MED11: variants seen among roughly 807,000 people sequenced by gnomAD.
MED11 encodes the protein mediator of RNA polymerase II transcription subunit 11.
In MED11, 19 loss-of-function variants were observed where a neutral mutation model predicts 13.9. The ratio of observed to expected loss-of-function variants is 1.36; its 90% CI spans 0.95 to 2.00. The LOEUF (loss-of-function observed/expected upper bound fraction) is 2.00. MED11 is among the 30% of genes most tolerant of loss of function. The pLI is 0.00. For synonymous variants in MED11, 67 were observed against 62.1 expected, an observed-to-expected ratio of 1.08 and a Z score of -0.37; for missense variants, 134 against 150.2, an observed-to-expected ratio of 0.89 and a Z score of 0.56.
intron 2 of MED11, among the ~76,000 whole-genome samples, chr17:4,732,772 T>C (rs961696282): frequency 1.3e-5 from 2 of 152,118 alleles, no homozygotes; most frequent in Non-Finnish European, 1.5e-5. Context: ...GGGACAGGAT[T>C]GAGAAGGTTC....
In MED11 at chr17:4,731,485, T is replaced by C. The variant is rs759083957; in HGVS notation, c.-5T>C. 6.2e-7 allele frequency: 1 copy of C among 1,612,328 alleles called. No homozygotes were observed. The highest frequency in any genetic ancestry group is 8.5e-7 in the Non-Finnish European group (1 of 1,179,482). ...AAACTCTTGGTGAGAATTCCCAGAG[T>C]GATAATGGCTACCTACAGCCTGGCG... On this transcript the variant is annotated 5_prime_UTR_variant, in exon 1 of 3. Transcript: ENST00000293777.
In MED11 at chr17:4,731,904, C is replaced by G; in HGVS notation, c.214C>G (p.Gln72Glu). The change falls in exon 2 of 3, where the codon CAG becomes GAG. Residue 72 changes from glutamine to glutamate, a missense_variant and splice_region_variant. Gln to Glu is a conservative substitution (Grantham distance 29). Coordinates refer to ENST00000293777, the MANE Select transcript of MED11 (RefSeq NM_001001683.4). ...GTCAGCTCAGATCCGCTACCTCACC[C>G]AGGTCGGTGTGTCTGGGGGGTTCTG... is the stretch of plus-strand genomic sequence containing the variant. Reference protein sequence around the residue: ...ELSAQIRYLTQVATGQPHEGS... With the variant: ...ELSAQIRYLTEVATGQPHEGS... 1.9e-6 allele frequency: 3 copies of G among 1,613,518 alleles called. No individual in the cohort carries two copies. Among genetic ancestry groups the G allele is most frequent in the Non-Finnish European group, 2.5e-6 (3 of 1,179,684 alleles).
chr17:4,731,704 G>C, intron 1 of MED11, 72 bp from the exon 2 acceptor site: 1 of 1,606,320 alleles, frequency 6.2e-7, no homozygotes, highest in Non-Finnish European at 8.5e-7. Context: ...GGGCGGGACT[G>C]AGAGGGGCTG....
Position 4,731,975 on chromosome 17 carries a change from C to T in MED11, c.216+69C>T, listed in dbSNP as rs73973612. The stretch of plus-strand genomic sequence containing the variant: ...GTCAAAGCCTCAGGCTTGGGTGATC[C>T]AGGGTGGAGCATTAACTGGGCAGGA... On this transcript the variant is annotated intron_variant, in intron 2 of 2. Coordinates refer to ENST00000293777, the MANE Select transcript of MED11 (RefSeq NM_001001683.4). 3.7e-3 allele frequency: 5,791 copies of T among 1,548,910 alleles called. 105 individuals are homozygous for T. The African/African-American group carries it at 0.051, about 14-fold the overall frequency.
At position 4,731,576 on chromosome 17, in the gene MED11, T is replaced by C. The variant is rs745830550; in HGVS notation, c.85+2T>C. On this transcript the variant is annotated splice_donor_variant, in intron 1 of 2. Coordinates refer to ENST00000293777, the MANE Select transcript of MED11 (RefSeq NM_001001683.4). LOFTEE classifies it high-confidence loss of function. ...TCGGCGCCATCCTTCAGAATGCAGG[T>C]TCGGGATGCGACAACCTGGACAGCG... 1 of 1,614,116 alleles carries C rather than the reference T, an allele frequency of 6.2e-7. No individual in the cohort carries two copies. Among genetic ancestry groups the C allele is most frequent in the Non-Finnish European group, 8.5e-7 (1 of 1,180,002 alleles).
At chr17:4,732,152 G>C in intron 2 of MED11, 1 of 478,566 alleles carries the variant, frequency 2.1e-6, no homozygotes, top group Non-Finnish European at 3.7e-6. Context: ...GGCCAGGCTC[G>C]GTGGCTCACT....
In MED11 at chr17:4,733,495, C is replaced by T. The variant is rs1042368968; in HGVS notation, c.*308C>T. 3.6e-6 allele frequency: 1 copy of T among 277,310 alleles called. No individual in the cohort carries two copies. Among genetic ancestry groups the T allele is most frequent in the African/African-American group, 2.2e-5 (1 of 45,746 alleles). 17.2% of individuals were successfully genotyped at this position (277,310 alleles called of 1,614,324 possible). A position where few individuals can be genotyped will look rare whatever the true frequency, so the allele number is the denominator to read the frequency against. On this transcript the variant is annotated 3_prime_UTR_variant, in exon 3 of 3. Coordinates refer to ENST00000293777, the MANE Select transcript of MED11 (RefSeq NM_001001683.4). ...CACTTCATGCTGCTGCCCCAGCCTTCCCGCAGACTTGGCCTAATGAAAATA... is the reference window on the plus strand; with the variant it reads ...CACTTCATGCTGCTGCCCCAGCCTTTCCGCAGACTTGGCCTAATGAAAATA...
Position 4,733,419 on chromosome 17 carries a change from A to G in MED11, c.*232A>G, listed in dbSNP as rs1337263598. On this transcript the variant is annotated 3_prime_UTR_variant, in exon 3 of 3. Coordinates refer to ENST00000293777, the MANE Select transcript of MED11 (RefSeq NM_001001683.4). ...TGCTCTGCACTCCAGAAACACCCTG[A>G]CAGGCTCAGAGAGGAGATGGAAACT... The G allele has an allele frequency of 2.1e-6, 1 of 483,526 alleles. No individual in the cohort carries two copies. The highest frequency in any genetic ancestry group is 2.0e-5 in the African/African-American group (1 of 51,150). 30.0% of individuals were successfully genotyped at this position (483,526 alleles called of 1,614,324 possible). A position where few individuals can be genotyped will look rare whatever the true frequency, so the allele number is the denominator to read the frequency against.
rs538218254 is a variant in MED11 at position 4,732,172 on chromosome 17, C to T, written c.216+266C>T. ...GGCTCGGTGGCTCACTCCTGTAATC[C>T]CAGCACTTTGGGAGGCTGAGGCGGG... On this transcript the variant is annotated intron_variant, in intron 2 of 2. Transcript: ENST00000293777. 1.4e-5 allele frequency: 6 copies of T among 433,464 alleles called. No individual in the cohort carries two copies. In the East Asian group the frequency reaches 2.1e-4, roughly 15 times the overall value. The allele number at this position is 433,464 out of a possible 1,614,324, so 26.9% of individuals were successfully genotyped here. A position where few individuals can be genotyped will look rare whatever the true frequency, so the allele number is the denominator to read the frequency against.
rs867681259 is a variant in MED11, at chr17:4,733,543, C to G, written c.*356C>G. On this transcript the variant is annotated 3_prime_UTR_variant, in exon 3 of 3. Transcript: ENST00000293777. ...ATACATACTTCTTCATTCGGAGAGA[C>G]AAAACAAGAACTAGAGTTTTAATGA... The G allele has an allele frequency of 1.0e-5, 2 of 196,820 alleles. No homozygotes were observed. The highest frequency in any genetic ancestry group is 2.1e-5 in the Non-Finnish European group (2 of 96,220). The allele number at this position is 196,820 out of a possible 1,614,324, so 12.2% of individuals were successfully genotyped here. A position where few individuals can be genotyped will look rare whatever the true frequency, so the allele number is the denominator to read the frequency against.
chr17:4,731,620 G>C (rs1172694523), intron 1 of MED11, 46 bp downstream of exon 1: 28 of 1,610,204 alleles, frequency 1.7e-5, no homozygotes, highest in Non-Finnish European at 2.4e-5. Flanking sequence ...AAGCGTGACC[G>C]GGCTGCACTG....
Position 4,733,210 on chromosome 17 carries a change from TGA to T in MED11, c.*27_*28del, listed in dbSNP as rs1217952845. On this transcript the variant is annotated 3_prime_UTR_variant, in exon 3 of 3. Coordinates refer to ENST00000293777, the MANE Select transcript of MED11 (RefSeq NM_001001683.4). ...TAGGCCAGGGAGATGGACCCAGAGC[TGA>T]GAGGGAGACCATCACCTGTGCCATG... The T allele has an allele frequency of 1.9e-6, 3 of 1,613,536 alleles. No homozygotes were observed. Among genetic ancestry groups the T allele is most frequent in the Non-Finnish European group, 2.5e-6 (3 of 1,179,782 alleles).
intron 1 of MED11, 93 bp from the exon 2 acceptor site, chr17:4,731,683 G>T: frequency 6.2e-7 from 1 of 1,606,570 alleles, no homozygotes; most frequent in South Asian, 1.1e-5. Context: ...CTACGTGCGT[G>T]CGCAGCGAAA....
chr17:4,731,547 G>A lies in MED11; in HGVS notation c.58G>A (p.Glu20Lys). The A allele has an allele frequency of 6.2e-7, 1 of 1,614,214 alleles. No individual in the cohort carries two copies. ...RLRALEDIER[E>K]IGAILQNAGT... ...ACGCGCTCTGGAAGACATTGAACGG[G>A]AAATCGGCGCCATCCTTCAGAATGC... Residue 20 changes from glutamate to lysine, a missense_variant, in exon 1 of 3, where the codon GAA becomes AAA. Physicochemically the swap from Glu to Lys is moderately conservative, Grantham distance 56 (BLOSUM62 1). Transcript: ENST00000293777.
At chr17:4,732,516 G>A (rs1916015970) in intron 2 of MED11, 1 of 158,090 alleles carries the variant, frequency 6.3e-6, no homozygotes, top group Non-Finnish European at 1.4e-5. Context: ...GGAGGCGGAG[G>A]TTGTTGTACT....
intron 2 of MED11, 76 bp from the exon 3 acceptor site, chr17:4,732,974 G>T: frequency 6.6e-7 from 1 of 1,524,818 alleles, no homozygotes; most frequent in Non-Finnish European, 8.9e-7. Context: ...ACTCAGGGAA[G>T]AAATGAGACG....
rs774988883 is a variant in MED11 at position 4,731,584 on chromosome 17, G to A, written c.85+10G>A. 4 of 1,614,128 alleles carry A rather than the reference G, an allele frequency of 2.5e-6. No individual in the cohort carries two copies. Among genetic ancestry groups the A allele is most frequent in the Non-Finnish European group, 3.4e-6 (4 of 1,179,980 alleles). On this transcript the variant is annotated intron_variant, in intron 1 of 2. Transcript: ENST00000293777. ...ATCCTTCAGAATGCAGGTTCGGGAT[G>A]CGACAACCTGGACAGCGGGGAGCGA...
rs892242861 is a variant in MED11, at chr17:4,731,804, A to G, written c.114A>G (p.Glu38=). 5 of 1,614,054 alleles carry G rather than the reference A, an allele frequency of 3.1e-6. No individual in the cohort carries two copies. In the African/African-American group the frequency reaches 6.7e-5, roughly 22 times the overall value. ...AGTVILELSK[E]KTNERLLDRQ... is the part of the protein sequence containing the mutation. ...CTGTGATCCTAGAATTGTCCAAGGA[A>G]AAAACTAACGAGCGGCTCCTAGACC... is the stretch of plus-strand genomic sequence containing the variant. Residue 38 remains glutamate (E), a synonymous_variant, in exon 2 of 3, where the codon GAA becomes GAG. Transcript: ENST00000293777.
At chr17:4,731,630 G>GT in intron 1 of MED11, 56 bp downstream of exon 1, 1 of 1,606,648 alleles carries the variant, frequency 6.2e-7, no homozygotes, top group Non-Finnish European at 8.5e-7. Context: ...GGGCTGCACT[G>GT]GCAGCCTGAC....
Sources: allele counts gnomAD v4.1 joint callset (sites outside exome capture counted in the v4.1 genomes callset), GRCh38; gene constraint gnomAD v4.1.1; transcripts MANE v1.5; gene names NCBI Gene and HGNC (gene_info 2026-07-23, HGNC 2026-07-21).